Variants in CAPZB observed in about 807,000 individuals in gnomAD.
CAPZB encodes capping actin protein of muscle Z-line subunit beta, also known as F-actin-capping protein subunit beta.
CAPZB carries 2 observed loss-of-function variants against 38.1 expected under a neutral mutation model. The observed-to-expected ratio is 0.05, with a 90% CI of 0.02 to 0.17. The LOEUF (loss-of-function observed/expected upper bound fraction) is 0.17, where lower values mean the gene tolerates loss of function less well. CAPZB is among the 10% of genes least tolerant of loss of function. The pLI is 1.00. For missense variants in CAPZB, 161 were observed against 334.2 expected (o/e 0.48, Z 4.04); for synonymous variants, 107 against 127.4 (o/e 0.84, Z 1.08).
chr1:19,472,252 A>G (rs2094591255), intron 1 of CAPZB, among the ~76,000 whole-genome samples: 1 of 152,236 alleles, frequency 6.6e-6, no homozygotes. Flanking sequence ...AACTGAGGAC[A>G]TGGAGACCCT....
chr1:19,352,667 G>A (rs558661554), intron 6 of CAPZB, among the ~76,000 whole-genome samples: 4 of 152,378 alleles, frequency 2.6e-5, no homozygotes, highest in Admixed American at 2.0e-4. Context: ...AGGAAGGTAT[G>A]ATCCGGCCGG....
chr1:19,483,265 G>A (rs1465892501), intron 1 of CAPZB, among the ~76,000 whole-genome samples: 4 of 152,142 alleles, frequency 2.6e-5, no homozygotes, highest in South Asian at 2.1e-4. Flanking sequence ...TTTTTCAAAC[G>A]GTATCATTAA....
At chr1:19,352,522 T>A (rs1475371917) in intron 6 of CAPZB, among the ~76,000 whole-genome samples, 1 of 152,262 alleles carries the variant, frequency 6.6e-6, no homozygotes, top group Non-Finnish European at 1.5e-5. Flanking sequence ...TACAACTTCC[T>A]TTTCAACATT....
intron 1 of CAPZB, among the ~76,000 whole-genome samples, chr1:19,481,586 CG>C (rs2094628763): frequency 6.6e-6 from 1 of 152,162 alleles, no homozygotes; most frequent in Non-Finnish European, 1.5e-5. Flanking sequence ...CTCGGGTACC[CG>C]GGTTGGACAG....
rs542841688 is a variant in CAPZB, at chr1:19,447,053, G to C, written c.4-27303C>G. Among the ~76,000 whole-genome samples, 5 of 152,132 alleles carry C rather than the reference G, an allele frequency of 3.3e-5. No individual in the cohort carries two copies. In the East Asian group the frequency reaches 9.7e-4, roughly 29 times the overall value. ...TGTTTTCTCAAATTACCACCCCACT[G>C]CCCAAAAAATGACACCTGCCACACT... On this transcript the variant is annotated intron_variant, in intron 1 of 8. Coordinates refer to ENST00000264202, the MANE Select transcript of CAPZB (RefSeq NM_004930.5).
intron 6 of CAPZB, among the ~76,000 whole-genome samples, 190 bp from the exon 7 acceptor site, chr1:19,345,442 G>T (rs752264930): frequency 1.3e-5 from 2 of 152,230 alleles, no homozygotes; most frequent in Non-Finnish European, 2.9e-5. Context: ...AGACCATAAA[G>T]AGCCCAGAGG....
At chr1:19,470,828 C>T (rs552902825) in intron 1 of CAPZB, among the ~76,000 whole-genome samples, 18 of 152,310 alleles carry the variant, frequency 1.2e-4, no homozygotes, top group African/African-American at 4.1e-4. Context: ...GGATCCCATG[C>T]TTAGAAGGAT....
At chr1:19,391,309 C>T (rs899799022) in intron 2 of CAPZB, among the ~76,000 whole-genome samples, 1 of 152,196 alleles carries the variant, frequency 6.6e-6, no homozygotes, top group Admixed American at 6.5e-5. Flanking sequence ...CGGAGTCTAA[C>T]CCACGGCGCC....
chr1:19,439,703 C>T (rs2094469420), intron 1 of CAPZB, among the ~76,000 whole-genome samples: 1 of 152,260 alleles, frequency 6.6e-6, no homozygotes, highest in African/African-American at 2.4e-5. Flanking sequence ...AGCAGCTTCC[C>T]TCCCGGCTGA....
At chr1:19,358,183 G>A (rs1025183344) in intron 4 of CAPZB, among the ~76,000 whole-genome samples, 1 of 152,216 alleles carries the variant, frequency 6.6e-6, no homozygotes, top group African/African-American at 2.4e-5. Flanking sequence ...CATCTCCCAG[G>A]CTGGAGTGCA....
chr1:19,389,443 A>C (rs576526475), intron 2 of CAPZB, among the ~76,000 whole-genome samples: 207 of 151,560 alleles, frequency 1.4e-3, no homozygotes, highest in South Asian at 5.6e-3. Context: ...TTTTTTTCTC[A>C]ATGAGATGGA....
intron 4 of CAPZB, among the ~76,000 whole-genome samples, chr1:19,363,847 G>C (rs1158828144): frequency 1.3e-5 from 2 of 152,140 alleles, no homozygotes; most frequent in Admixed American, 6.5e-5. Context: ...CTGGATTCGT[G>C]GCTCGAATAC....
chr1:19,399,980 CTGAG>C (rs2094294171), intron 2 of CAPZB, among the ~76,000 whole-genome samples: 1 of 152,136 alleles, frequency 6.6e-6, no homozygotes, highest in Non-Finnish European at 1.5e-5. Context: ...ATGCAAGCAG[CTGAG>C]TGAGTTATTC....
chr1:19,429,992 G>T (rs545530621), intron 1 of CAPZB, among the ~76,000 whole-genome samples: 1 of 152,270 alleles, frequency 6.6e-6, no homozygotes, highest in South Asian at 2.1e-4. Context: ...CTGCACTCTA[G>T]TAACTCCCTC....
chr1:19,442,936 G>T (rs2094483227), intron 1 of CAPZB, among the ~76,000 whole-genome samples: 1 of 152,080 alleles, frequency 6.6e-6, no homozygotes, highest in South Asian at 2.1e-4. Context: ...GCTGAAGGAG[G>T]CCTTCGCTAC....
intron 4 of CAPZB, among the ~76,000 whole-genome samples, chr1:19,371,753 C>T (rs1015281624): frequency 1.3e-5 from 2 of 152,234 alleles, no homozygotes; most frequent in Non-Finnish European, 2.9e-5. Flanking sequence ...AGTTCCTCCA[C>T]ACTCACGTCC....
chr1:19,429,840 A>C (rs556028969), intron 1 of CAPZB, among the ~76,000 whole-genome samples: 1 of 152,042 alleles, frequency 6.6e-6, no homozygotes, highest in African/African-American at 2.4e-5. Context: ...CTTGCACAGC[A>C]CTCACTCCAC....
chr1:19,411,007 C>A (rs2094354879), intron 2 of CAPZB, among the ~76,000 whole-genome samples: 1 of 152,048 alleles, frequency 6.6e-6, no homozygotes, highest in Admixed American at 6.6e-5. Context: ...TAATGAGACC[C>A]ATCTGTCAGT....
chr1:19,393,012 G>A (rs2094245559), intron 2 of CAPZB, among the ~76,000 whole-genome samples: 1 of 152,154 alleles, frequency 6.6e-6, no homozygotes, highest in Non-Finnish European at 1.5e-5. Context: ...TATGAGAGAT[G>A]CAGGAATCCC....
Sources: gnomAD v4.1 joint callset for allele counts (sites outside exome capture counted in the v4.1 genomes callset) on GRCh38, gnomAD v4.1.1 for gene constraint, MANE v1.5 for transcripts, NCBI Gene and HGNC (gene_info 2026-07-23, HGNC 2026-07-21) for gene names.